Variants in CDC14A observed in about 807,000 individuals in gnomAD.
The protein encoded by CDC14A is cell division cycle 14A.
CDC14A carries 53 observed loss-of-function variants against 74.4 expected under a neutral mutation model. The ratio of observed to expected loss-of-function variants is 0.71; its 90% CI spans 0.57 to 0.89. The LOEUF is 0.89. CDC14A is among the 40% of genes least tolerant of loss of function. The pLI is 0.00. For synonymous variants in CDC14A, 247 were observed against 258.4 expected (o/e 0.96, Z 0.43); for missense variants, 646 against 713.7 (o/e 0.91, Z 1.08).
chr1:100,350,891 T>C (rs1422238633), upstream of CDC14A, among the ~76,000 whole-genome samples: 1 of 152,214 alleles, frequency 6.6e-6, no homozygotes, highest in Non-Finnish European at 1.5e-5. Context: ...TACTAGATTT[T>C]TTTTCAATAA....
At chr1:100,357,636 T>C (rs1365585311) in intron 2 of CDC14A, among the ~76,000 whole-genome samples, 1 of 151,936 alleles carries the variant, frequency 6.6e-6, no homozygotes, top group Non-Finnish European at 1.5e-5. Flanking sequence ...CTGGGTGTGC[T>C]TGTAGTCCCA....
Position 100,498,098 on chromosome 1 carries a change from C to T in CDC14A, c.1312C>T (p.Leu438=), listed in dbSNP as rs1432157184. ...TTCTCCGCAAAGATTAAGTTCATCC[C>T]TGCAAGGATCTGCAGTTACTTTGAA... ...VSQPFRLSSS[L]QGSAVTLKTS... The change falls in exon 14 of 16, where the codon CTG becomes TTG. Residue 438 remains leucine (L), a synonymous_variant. Transcript: ENST00000336454. The T allele has an allele frequency of 2.5e-6, 4 of 1,613,672 alleles. No individual in the cohort carries two copies. Among genetic ancestry groups the T allele is most frequent in the African/African-American group, 1.3e-5 (1 of 74,924 alleles).
chr1:100,495,414 T>C (rs983905418), intron 12 of CDC14A, among the ~76,000 whole-genome samples: 2 of 152,240 alleles, frequency 1.3e-5, no homozygotes, highest in African/African-American at 4.8e-5. Flanking sequence ...CATCTTGACT[T>C]TGAAGTCTCA....
intron 5 of CDC14A, among the ~76,000 whole-genome samples, chr1:100,436,979 A>C (rs1415999239): frequency 6.6e-6 from 1 of 152,130 alleles, no homozygotes; most frequent in Non-Finnish European, 1.5e-5. Context: ...TCAGCTCAGG[A>C]GTTCCAGACC....
intron 4 of CDC14A, among the ~76,000 whole-genome samples, chr1:100,406,766 T>C (rs181821326): frequency 1.3e-5 from 2 of 151,770 alleles, no homozygotes; most frequent in East Asian, 3.9e-4. Flanking sequence ...CTACTAAAAA[T>C]ACAAAAAAAA....
chr1:100,463,286 G>A (rs1667491761), intron 9 of CDC14A, among the ~76,000 whole-genome samples: 2 of 151,948 alleles, frequency 1.3e-5, no homozygotes, highest in Admixed American at 6.6e-5. Context: ...TTGCACTGTC[G>A]TGGTTCTGTT....
At chr1:100,373,982 G>C (rs1049295282) in intron 2 of CDC14A, among the ~76,000 whole-genome samples, 6 of 152,038 alleles carry the variant, frequency 3.9e-5, no homozygotes, top group African/African-American at 1.4e-4. Flanking sequence ...AGTCCCCAGA[G>C]TGTGATGTTC....
At chr1:100,501,005 C>T (rs1327272984) in intron 15 of CDC14A, among the ~76,000 whole-genome samples, 1 of 151,972 alleles carries the variant, frequency 6.6e-6, no homozygotes, top group Non-Finnish European at 1.5e-5. Context: ...GCATGAGCCA[C>T]CATGCTTGGC....
At chr1:100,505,958 AG>A (rs760459549) in intron 15 of CDC14A, among the ~76,000 whole-genome samples, 1 of 152,034 alleles carries the variant, frequency 6.6e-6, no homozygotes, top group Non-Finnish European at 1.5e-5. Flanking sequence ...AGAGAAAGGG[AG>A]GATGTGCGAG....
At chr1:100,449,276 T>C (rs1218813997) in intron 7 of CDC14A, among the ~76,000 whole-genome samples, 1 of 152,216 alleles carries the variant, frequency 6.6e-6, no homozygotes, top group Non-Finnish European at 1.5e-5. Context: ...GCCTCTTCGA[T>C]CAAGACTTCA....
intron 4 of CDC14A, among the ~76,000 whole-genome samples, chr1:100,396,152 G>T (rs1557713798): frequency 6.6e-6 from 1 of 152,212 alleles, no homozygotes; most frequent in East Asian, 1.9e-4. Flanking sequence ...TTTAACAAGG[G>T]GTTAGGCCGG....
chr1:100,484,603 C>T (rs185192093), intron 11 of CDC14A, 152 bp downstream of exon 11: 8 of 1,236,600 alleles, frequency 6.5e-6, no homozygotes, highest in Non-Finnish European at 8.1e-6. Flanking sequence ...TAGCAAGAAG[C>T]AGAGGAAAGA....
intron 4 of CDC14A, among the ~76,000 whole-genome samples, chr1:100,413,053 CAAAAA>C (rs1271667009): frequency 6.6e-6 from 1 of 150,616 alleles, no homozygotes; most frequent in Non-Finnish European, 1.5e-5. Context: ...GCGAAACTGT[CAAAAA>C]GAAAAGAAAA....
chr1:100,408,633 C>T (rs1660258313), intron 4 of CDC14A, among the ~76,000 whole-genome samples: 1 of 152,134 alleles, frequency 6.6e-6, no homozygotes, highest in African/African-American at 2.4e-5. Flanking sequence ...GAGATGGTGT[C>T]TCATTGTGGT....
At chr1:100,419,512 A>C (rs1661994485) in intron 4 of CDC14A, among the ~76,000 whole-genome samples, 1 of 152,246 alleles carries the variant, frequency 6.6e-6, no homozygotes, top group South Asian at 2.1e-4. Context: ...CACAGTGCTA[A>C]GGAAAGGACT....
At chr1:100,378,587 G>A (rs916352343) in intron 3 of CDC14A, among the ~76,000 whole-genome samples, 5 of 152,156 alleles carry the variant, frequency 3.3e-5, no homozygotes, top group Non-Finnish European at 7.4e-5. Context: ...TGTAGAATAT[G>A]TTGTATCCTT....
chr1:100,383,894 CTT>C (rs368973262), intron 3 of CDC14A, among the ~76,000 whole-genome samples: 19 of 146,386 alleles, frequency 1.3e-4, no homozygotes, highest in South Asian at 4.4e-4. Context: ...ACCTTTAACT[CTT>C]TTTTTTTTTT....
At chr1:100,428,845 A>G (rs111783952) in intron 5 of CDC14A, among the ~76,000 whole-genome samples, 35 of 152,268 alleles carry the variant, frequency 2.3e-4, no homozygotes, top group African/African-American at 5.3e-4. Context: ...TTATTGGTCC[A>G]TATGTATCAG....
intron 9 of CDC14A, among the ~76,000 whole-genome samples, chr1:100,466,435 G>T (rs1667811322): frequency 6.6e-6 from 1 of 152,142 alleles, no homozygotes; most frequent in Non-Finnish European, 1.5e-5. Context: ...TAATCATAAA[G>T]GGAGAGCCCC....
Sources: gnomAD v4.1 joint callset for allele counts (sites outside exome capture counted in the v4.1 genomes callset) on GRCh38, gnomAD v4.1.1 for gene constraint, MANE v1.5 for transcripts, NCBI Gene and HGNC (gene_info 2026-07-23, HGNC 2026-07-21) for gene names.